The following ATRX variants were observed in gnomAD, a reference collection of about 807,000 sequenced individuals.
ATRX encodes the protein chromatin remodeler ATRX.
A neutral mutation model predicts 172.6 loss-of-function variants in ATRX; 12 were observed. The ratio of observed to expected loss-of-function variants is 0.07; its 90% CI spans 0.04 to 0.11. ATRX has a LOEUF of 0.11. ATRX is among the 10% of genes least tolerant of loss of function. ATRX has a pLI of 1.00. For synonymous variants in ATRX, 674 were observed against 594.7 expected (o/e 1.13, Z -1.94); for missense variants, 1,368 against 1,767.4 (o/e 0.77, Z 4.05).
intron 28 of ATRX, among the ~76,000 whole-genome samples, chrX:77,564,560 A>C (rs2065131062): frequency 9.1e-6 from 1 of 109,939 alleles, no homozygotes; most frequent in Non-Finnish European, 1.9e-5. Context: ...TAATTTTTAA[A>C]ATTTTTGTGG....
intron 27 of ATRX, among the ~76,000 whole-genome samples, chrX:77,584,427 A>ATAG (rs1212773401): frequency 2.7e-5 from 3 of 111,942 alleles, no homozygotes; most frequent in Non-Finnish European, 5.6e-5. Flanking sequence ...CTACAGAACT[A>ATAG]TAGTAACCAA....
intron 2 of ATRX, among the ~76,000 whole-genome samples, chrX:77,704,636 CCCTAT>C (rs1446744883): frequency 1.8e-5 from 2 of 112,282 alleles, no homozygotes; most frequent in Non-Finnish European, 3.8e-5. Context: ...GCCTCAGCTT[CCCTAT>C]GTTTGTCAGT....
intron 30 of ATRX, among the ~76,000 whole-genome samples, chrX:77,538,232 C>CACACACACAA (rs2063828202): frequency 4.2e-5 from 4 of 95,747 alleles, no homozygotes; most frequent in Non-Finnish European, 8.7e-5. Flanking sequence ...CACACACAAA[C>CACACACACAA]ACACACACAC....
intron 15 of ATRX, among the ~76,000 whole-genome samples, chrX:77,638,201 T>C (rs1388784571): frequency 8.9e-6 from 1 of 111,969 alleles, no homozygotes; most frequent in Non-Finnish European, 1.9e-5. Context: ...CGGTCACTCA[T>C]GCCTGTAATC....
At chrX:77,653,004 T>TAAAAAAAAAAAAAAA (rs554448289) in intron 14 of ATRX, among the ~76,000 whole-genome samples, 1 of 69,008 alleles carries the variant, frequency 1.4e-5, no homozygotes, top group Non-Finnish European at 2.8e-5. Flanking sequence ...TGTTTCTTGT[T>TAAAAAAAAAAAAAAA]AAAAAAAAAA....
At chrX:77,736,206 T>C (rs1323697670) in intron 1 of ATRX, among the ~76,000 whole-genome samples, 1 of 111,153 alleles carries the variant, frequency 9.0e-6, no homozygotes, top group Non-Finnish European at 1.9e-5. Context: ...CAAACAAAAC[T>C]TGACAAATGG....
intron 28 of ATRX, among the ~76,000 whole-genome samples, chrX:77,573,236 T>C (rs1435637510): frequency 1.8e-5 from 2 of 111,629 alleles, no homozygotes; most frequent in Admixed American, 9.5e-5. Flanking sequence ...ACAAATACCA[T>C]TGTGTTCCAA....
At chrX:77,775,023 C>T (rs193174346) in intron 1 of ATRX, among the ~76,000 whole-genome samples, 64 of 111,269 alleles carry the variant, frequency 5.8e-4, no homozygotes, top group Non-Finnish European at 1.0e-3. Context: ...TGTGGGAGGC[C>T]GCACTCAGCC....
chrX:77,571,977 A>C (rs1258287980), intron 28 of ATRX, among the ~76,000 whole-genome samples: 1 of 112,093 alleles, frequency 8.9e-6, no homozygotes, highest in East Asian at 2.8e-4. Flanking sequence ...GATTATATTT[A>C]TATCCTATTT....
intron 30 of ATRX, among the ~76,000 whole-genome samples, chrX:77,537,265 T>C (rs1557048686): frequency 9.0e-6 from 1 of 111,492 alleles, no homozygotes; most frequent in Non-Finnish European, 1.9e-5. Flanking sequence ...CATGGGATTA[T>C]TGTGGAGATT....
rs1484451180 is a variant in ATRX at position 77,506,574 on chromosome X, CTT to C, written c.*1775_*1776del. ...CTGCCTTCAAATATTTCTCATAAATCTTGTCTTTTTCATTTTTTCTAAAGTAA... is the reference window on the plus strand; with the variant it reads ...CTGCCTTCAAATATTTCTCATAAATCGTCTTTTTCATTTTTTCTAAAGTAA... On this transcript the variant is annotated 3_prime_UTR_variant, in exon 35 of 35. Coordinates refer to ENST00000373344, the MANE Select transcript of ATRX (RefSeq NM_000489.6). The C allele has an allele frequency of 2.9e-5, 5 of 173,605 alleles. No individual in the cohort carries two copies. The highest frequency in any genetic ancestry group is 5.5e-5 in the Non-Finnish European group (5 of 91,133). The allele number at this position is 173,605 out of a possible 1,213,427, so 14.3% of individuals were successfully genotyped here. A position where few individuals can be genotyped will look rare whatever the true frequency, so the allele number is the denominator to read the frequency against.
intron 10 of ATRX, chrX:77,674,264 C>T (rs192978479): frequency 3.6e-5 from 4 of 111,445 alleles, no homozygotes; most frequent in Non-Finnish European, 5.7e-5. Flanking sequence ...ATAATCTATA[C>T]TAAAATAGTG....
At chrX:77,723,110 G>A (rs992166387) in intron 1 of ATRX, among the ~76,000 whole-genome samples, 1 of 111,282 alleles carries the variant, frequency 9.0e-6, no homozygotes, top group Non-Finnish European at 1.9e-5. Context: ...AATACTGCAT[G>A]TTCTCACTCA....
chrX:77,568,282 A>G (rs957778326), intron 28 of ATRX, among the ~76,000 whole-genome samples: 1 of 111,752 alleles, frequency 8.9e-6, no homozygotes. Context: ...CCAGTATCAG[A>G]AGTGAAACAG....
At chrX:77,676,357 T>C (rs2070865688) in intron 9 of ATRX, 59 bp from the exon 10 acceptor site, 1 of 1,107,468 alleles carries the variant, frequency 9.0e-7, no homozygotes, top group Non-Finnish European at 1.2e-6. Flanking sequence ...ATTAAAACCA[T>C]GTAAAATAAA....
intron 26 of ATRX, 141 bp downstream of exon 26, chrX:77,593,555 T>C: frequency 3.4e-6 from 2 of 586,619 alleles, no homozygotes; most frequent in Non-Finnish European, 5.3e-6. Context: ...GTTGCTTGTA[T>C]TGGCCTAGCA....
At chrX:77,688,753 A>G (rs1377470545) in intron 7 of ATRX, 65 bp downstream of exon 7, 1 of 896,199 alleles carries the variant, frequency 1.1e-6, no homozygotes, top group Admixed American at 2.2e-5. Context: ...TGTGCCCTCA[A>G]AGGCCTGGTA....
At chrX:77,651,996 G>T in intron 15 of ATRX, 118 bp downstream of exon 15, 1 of 734,511 alleles carries the variant, frequency 1.4e-6, no homozygotes, top group Non-Finnish European at 2.1e-6. Flanking sequence ...TGTAATCCCA[G>T]AAGTTTAGGA....
intron 26 of ATRX, among the ~76,000 whole-genome samples, chrX:77,592,821 A>T (rs2066323729): frequency 9.0e-6 from 1 of 111,301 alleles, no homozygotes; most frequent in Admixed American, 9.6e-5. Flanking sequence ...TCAAAAAAAA[A>T]AAAATAATGT....
Sources: gnomAD v4.1 joint callset for allele counts (sites outside exome capture counted in the v4.1 genomes callset) on GRCh38, gnomAD v4.1.1 for gene constraint, MANE v1.5 for transcripts, NCBI Gene and HGNC (gene_info 2026-07-23, HGNC 2026-07-21) for gene names.